The following CRYBB3 variants were observed in gnomAD, a reference collection of about 807,000 sequenced individuals.
CRYBB3 encodes crystallin beta B3.
CRYBB3 carries 35 observed loss-of-function variants against 28.3 expected under a neutral mutation model. That is an observed-to-expected ratio of 1.24 (90% CI 0.95 to 1.64). CRYBB3 has a LOEUF of 1.64. Among genes scored for constraint, CRYBB3 ranks in the 40% most tolerant of loss-of-function variants. The pLI is 0.00. For missense variants in CRYBB3, 296 were observed against 297.4 expected (o/e 1.00, Z 0.04); for synonymous variants, 106 against 110.4 (o/e 0.96, Z 0.25).
In CRYBB3 at chr22:25,205,509, G is replaced by T; in HGVS notation, c.470+147G>T. 7 of 1,000,556 alleles carry T rather than the reference G, an allele frequency of 7.0e-6. No individual in the cohort carries two copies. In the South Asian group the frequency reaches 1.6e-4, roughly 23 times the overall value. The allele number at this position is 1,000,556 out of a possible 1,614,324, so 62.0% of individuals were successfully genotyped here. A position where few individuals can be genotyped will look rare whatever the true frequency, so the allele number is the denominator to read the frequency against. ...GAGTCTTGCTCTGTCGCCCAGGCTG[G>T]AGTGCAGTGGCGCGATCTCAGCTCA... On this transcript the variant is annotated intron_variant, in intron 5 of 5. Transcript: ENST00000215855.
At chr22:25,204,232 C>T (rs1934994633) in intron 4 of CRYBB3, among the ~76,000 whole-genome samples, 1 of 152,192 alleles carries the variant, frequency 6.6e-6, no homozygotes, top group Non-Finnish European at 1.5e-5. Context: ...GAAATAACTT[C>T]AGAAAGTAGC....
rs749598931 is a variant in CRYBB3, at chr22:25,205,217, C to G, written c.328-3C>G. ...GCCGCTCACCCCACGATATTGCCCTCAGGATAGTCCACATCACAAGCTGCA... is the reference window on the plus strand; with the variant it reads ...GCCGCTCACCCCACGATATTGCCCTGAGGATAGTCCACATCACAAGCTGCA... On this transcript the variant is annotated splice_polypyrimidine_tract_variant and splice_region_variant and intron_variant, in intron 4 of 5. Transcript: ENST00000215855. The G allele has an allele frequency of 2.5e-6, 4 of 1,613,936 alleles. No individual in the cohort carries two copies. The highest frequency in any genetic ancestry group is 3.4e-6 in the Non-Finnish European group (4 of 1,179,902).
In CRYBB3 at chr22:25,201,621, C is replaced by T. The variant is rs144871285; in HGVS notation, c.75+150C>T. 185 of 1,394,892 alleles carry T rather than the reference C, an allele frequency of 1.3e-4. No individual in the cohort carries two copies. In the East Asian group the frequency reaches 2.0e-3, roughly 15 times the overall value. 86.4% of individuals were successfully genotyped at this position (1,394,892 alleles called of 1,614,324 possible). The stretch of plus-strand genomic sequence containing the variant: ...ACGCTCCGGGTGGGTCCTCTCACTG[C>T]CACCCTCCCGTTAGAAACTTGCTTC... On this transcript the variant is annotated intron_variant, in intron 2 of 5. Transcript: ENST00000215855.
intron 5 of CRYBB3, among the ~76,000 whole-genome samples, 169 bp from the exon 6 acceptor site, chr22:25,206,878 A>G (rs1935044570): frequency 1.3e-5 from 2 of 152,160 alleles, no homozygotes; most frequent in Non-Finnish European, 2.9e-5. Flanking sequence ...ATAAGGCTAG[A>G]GATGCTTTGT....
At chr22:25,206,930 A>G (rs1332515000) in intron 5 of CRYBB3, 117 bp from the exon 6 acceptor site, 1 of 818,282 alleles carries the variant, frequency 1.2e-6, no homozygotes, top group African/African-American at 1.7e-5. Flanking sequence ...GATTCATCCC[A>G]AGGGCTCTGG....
intron 4 of CRYBB3, 137 bp downstream of exon 4, chr22:25,204,032 T>C: frequency 1.9e-6 from 2 of 1,074,512 alleles, no homozygotes; most frequent in South Asian, 1.3e-5. Context: ...CTCATGTTTC[T>C]GATTTGAACA....
rs1327097212 is a variant in CRYBB3, at chr22:25,207,261, G to A, written c.*49G>A. The A allele has an allele frequency of 6.5e-7, 1 of 1,550,302 alleles. No individual in the cohort carries two copies. The highest frequency in any genetic ancestry group is 8.8e-7 in the Non-Finnish European group (1 of 1,136,418). ...CAGACCCACCCTGGGGGGCTGCAAG[G>A]GCAAGAAGAGGAGGCTCCAGGGTTG... On this transcript the variant is annotated 3_prime_UTR_variant, in exon 6 of 6. Transcript: ENST00000215855.
At chr22:25,203,647 G>A in intron 3 of CRYBB3, 116 bp from the exon 4 acceptor site, 3 of 1,160,310 alleles carry the variant, frequency 2.6e-6, no homozygotes, top group South Asian at 2.6e-5. Flanking sequence ...TAGCAGTAGG[G>A]TTGGAGGGAG....
chr22:25,205,339 G>C lies in CRYBB3; in HGVS notation c.447G>C (p.Ala149=), dbSNP rs138004800. 6.2e-7 allele frequency: 1 copy of C among 1,614,128 alleles called. No individual in the cohort carries two copies. Among genetic ancestry groups the C allele is most frequent in the East Asian group, 2.2e-5 (1 of 44,880 alleles). ...CTCATGGCTTCCAGGACCGTGTGGC[G>C]AGTGTCCGTGCCATCAACGGGACGT... The part of the protein sequence containing the change: ...LWAHGFQDRV[A]SVRAINGTWV... The change falls in exon 5 of 6, where the codon GCG becomes GCC. Residue 149 remains alanine, a synonymous_variant. Coordinates refer to ENST00000215855, the MANE Select transcript of CRYBB3 (RefSeq NM_004076.5).
intron 5 of CRYBB3, among the ~76,000 whole-genome samples, chr22:25,205,611 G>T (rs1033649981): frequency 6.6e-6 from 1 of 151,722 alleles, no homozygotes; most frequent in African/African-American, 2.4e-5. Context: ...AGGCGCCCAC[G>T]ACCACGCCCG....
rs1024030582 is a variant in CRYBB3, at chr22:25,207,204, A to T, written c.628A>T (p.Ser210Cys). The change falls in exon 6 of 6, where the codon AGC (serine) becomes TGC (cysteine). Residue 210 changes from serine (S) to cysteine (C), a missense_variant. Transcript: ENST00000215855. ...QKWHKRGRFP[S>C]S ...GTGGCACAAGCGGGGCCGCTTCCCC[A>T]GCAGCTGAAAGGCACCCAGACTTCA... The T allele has an allele frequency of 1.2e-6, 2 of 1,612,324 alleles. No individual in the cohort carries two copies. Among genetic ancestry groups the T allele is most frequent in the Non-Finnish European group, 1.7e-6 (2 of 1,179,462 alleles).
At chr22:25,205,499 G>C in intron 5 of CRYBB3, 137 bp downstream of exon 5, 1 of 1,104,580 alleles carries the variant, frequency 9.1e-7, no homozygotes, top group Non-Finnish European at 1.2e-6. Context: ...TTGCTCTGTC[G>C]CCCAGGCTGG....
In CRYBB3 at chr22:25,207,023, A is replaced by G. The variant is rs202015786; in HGVS notation, c.471-24A>G. 62 of 1,598,178 alleles carry G rather than the reference A, an allele frequency of 3.9e-5. No individual in the cohort carries two copies. In the African/African-American group the frequency reaches 7.8e-4, roughly 20 times the overall value. On this transcript the variant is annotated intron_variant, in intron 5 of 5. Coordinates refer to ENST00000215855, the MANE Select transcript of CRYBB3 (RefSeq NM_004076.5). ...GGGTGACTGGAAGCAGACCGTCCAC[A>G]TCTCAACCTTGGTCTCCCGGCAGGT...
At chr22:25,200,323 G>A (rs1934921317) in intron 1 of CRYBB3, among the ~76,000 whole-genome samples, 1 of 152,140 alleles carries the variant, frequency 6.6e-6, no homozygotes, top group Admixed American at 6.5e-5. Context: ...GGGCTGTGCA[G>A]CTGTGCATGC....
chr22:25,204,011 T>TTCCCA, intron 4 of CRYBB3, 116 bp downstream of exon 4: 1 of 1,257,830 alleles, frequency 8.0e-7, no homozygotes, highest in Non-Finnish European at 1.2e-6. Flanking sequence ...GGACCTGGCC[T>TTCCCA]GGGAAGGGCC....
At position 25,205,226 on chromosome 22, in the gene CRYBB3, C is replaced by T; in HGVS notation, c.334C>T (p.Pro112Ser). The stretch of plus-strand genomic sequence containing the variant: ...CCCACGATATTGCCCTCAGGATAGT[C>T]CACATCACAAGCTGCATCTGTTTGA... Reference protein sequence around the residue: ...LSLRPLNIDSPHHKLHLFENP... With the variant: ...LSLRPLNIDSSHHKLHLFENP... The change falls in exon 5 of 6, where the codon CCA becomes TCA. Residue 112 changes from proline (P) to serine (S), a missense_variant. Coordinates refer to ENST00000215855, the MANE Select transcript of CRYBB3 (RefSeq NM_004076.5). 1 of 1,613,962 alleles carries T rather than the reference C, an allele frequency of 6.2e-7. No homozygotes were observed. The highest frequency in any genetic ancestry group is 1.3e-5 in the African/African-American group (1 of 75,014).
At chr22:25,201,258 A>G (rs531034923) in intron 1 of CRYBB3, 119 bp from the exon 2 acceptor site, 25 of 1,552,558 alleles carry the variant, frequency 1.6e-5, no homozygotes, top group Non-Finnish European at 1.9e-5. Flanking sequence ...AATGTCGATC[A>G]TAAGTTACAG....
At chr22:25,201,063 A>G (rs1020387128) in intron 1 of CRYBB3, among the ~76,000 whole-genome samples, 8 of 152,166 alleles carry the variant, frequency 5.3e-5, no homozygotes, top group Non-Finnish European at 1.0e-4. Flanking sequence ...CATCTGGATC[A>G]GGGGAAAAGG....
intron 2 of CRYBB3, among the ~76,000 whole-genome samples, chr22:25,201,740 G>A (rs1289410321): frequency 9.0e-6 from 1 of 111,720 alleles, no homozygotes; most frequent in Admixed American, 9.4e-5. Context: ...GGGGTTTCTG[G>A]AAACGGCTCT....
Sources: gnomAD v4.1 joint callset for allele counts (sites outside exome capture counted in the v4.1 genomes callset) on GRCh38, gnomAD v4.1.1 for gene constraint, MANE v1.5 for transcripts, NCBI Gene and HGNC (gene_info 2026-07-23, HGNC 2026-07-21) for gene names.